The following LRRTM4 variants were observed in gnomAD, a reference collection of about 807,000 sequenced individuals.
LRRTM4 encodes the protein leucine rich repeat transmembrane neuronal 4.
LRRTM4 carries 25 observed loss-of-function variants against 47.6 expected under a neutral mutation model. The ratio of observed to expected loss-of-function variants is 0.53; its 90% CI spans 0.38 to 0.73. The LOEUF is 0.73. Among genes scored for constraint, LRRTM4 ranks in the 30% least tolerant of loss-of-function variants. LRRTM4 has a pLI of 0.00. For missense variants in LRRTM4, 638 were observed against 713.4 expected, an observed-to-expected ratio of 0.89 and a Z score of 1.20; for synonymous variants, 311 against 269.5, an observed-to-expected ratio of 1.15 and a Z score of -1.51.
intron 3 of LRRTM4, among the ~76,000 whole-genome samples, chr2:77,236,881 T>C (rs1169028189): frequency 6.6e-6 from 1 of 152,142 alleles, no homozygotes; most frequent in African/African-American, 2.4e-5. Context: ...TACTAGATCA[T>C]GGTGAATTAG....
At chr2:76,850,008 CAT>C (rs1191991735) in intron 3 of LRRTM4, among the ~76,000 whole-genome samples, 6 of 151,962 alleles carry the variant, frequency 3.9e-5, no homozygotes, top group African/African-American at 1.5e-4. Flanking sequence ...AATATGTCCT[CAT>C]GTGTATAAGT....
At chr2:76,766,138 A>T (rs1018552900) in intron 3 of LRRTM4, among the ~76,000 whole-genome samples, 10 of 152,298 alleles carry the variant, frequency 6.6e-5, no homozygotes, top group African/African-American at 2.4e-4. Context: ...AAGCATGATC[A>T]TTTATCCTTT....
chr2:76,927,675 A>T (rs1674631153), intron 3 of LRRTM4, among the ~76,000 whole-genome samples: 1 of 152,136 alleles, frequency 6.6e-6, no homozygotes, highest in African/African-American at 2.4e-5. Flanking sequence ...CAAATAAATG[A>T]ATATATATCA....
intron 3 of LRRTM4, among the ~76,000 whole-genome samples, chr2:76,944,254 C>T (rs1328029740): frequency 6.6e-6 from 1 of 152,090 alleles, no homozygotes. Flanking sequence ...CTCTTTTATG[C>T]TCCTGACTCA....
chr2:77,259,445 AT>A (rs1675858871), intron 3 of LRRTM4, among the ~76,000 whole-genome samples: 1 of 152,052 alleles, frequency 6.6e-6, no homozygotes, highest in Non-Finnish European at 1.5e-5. Flanking sequence ...ATTCAACAGC[AT>A]TTTTGAGGGC....
At chr2:77,148,304 C>T (rs1252252044) in intron 3 of LRRTM4, among the ~76,000 whole-genome samples, 2 of 152,112 alleles carry the variant, frequency 1.3e-5, no homozygotes, top group African/African-American at 2.4e-5. Flanking sequence ...TCTTAAAATG[C>T]TTAAGGGAAA....
At chr2:77,257,309 CAA>C (rs527480065) in intron 3 of LRRTM4, among the ~76,000 whole-genome samples, 2 of 144,556 alleles carry the variant, frequency 1.4e-5, no homozygotes, top group African/African-American at 2.5e-5. Flanking sequence ...AAATCATCTA[CAA>C]AAAAAAAACC....
At chr2:77,201,473 T>C (rs1177316716) in intron 3 of LRRTM4, among the ~76,000 whole-genome samples, 2 of 152,158 alleles carry the variant, frequency 1.3e-5, no homozygotes, top group African/African-American at 4.8e-5. Context: ...GAAATAATTA[T>C]TACTTAAAAA....
chr2:77,019,130 A>T (rs1678176719), intron 3 of LRRTM4, among the ~76,000 whole-genome samples: 1 of 151,816 alleles, frequency 6.6e-6, no homozygotes, highest in African/African-American at 2.4e-5. Flanking sequence ...ATGGAAACTC[A>T]ATTTTTAGAC....
At chr2:76,958,279 C>T (rs1242509759) in intron 3 of LRRTM4, among the ~76,000 whole-genome samples, 1 of 151,766 alleles carries the variant, frequency 6.6e-6, no homozygotes, top group Non-Finnish European at 1.5e-5. Context: ...CAATAAAAAA[C>T]TATGACAGAA....
At chr2:76,913,355 T>C (rs1674136646) in intron 3 of LRRTM4, among the ~76,000 whole-genome samples, 1 of 152,028 alleles carries the variant, frequency 6.6e-6, no homozygotes, top group South Asian at 2.1e-4. Context: ...TGATTGTGTT[T>C]CTCTGATTAT....
intron 3 of LRRTM4, among the ~76,000 whole-genome samples, chr2:77,073,569 T>C (rs1680234083): frequency 6.6e-6 from 1 of 152,120 alleles, no homozygotes; most frequent in African/African-American, 2.4e-5. Flanking sequence ...TAAGGATGAA[T>C]CTTAGAGAAT....
At chr2:76,817,784 C>G (rs545033999) in intron 3 of LRRTM4, among the ~76,000 whole-genome samples, 7 of 151,938 alleles carry the variant, frequency 4.6e-5, no homozygotes, top group Non-Finnish European at 8.8e-5. Flanking sequence ...ATATTTTTAA[C>G]GATCCTATCA....
At chr2:77,177,320 C>T (rs2103848322) in intron 3 of LRRTM4, among the ~76,000 whole-genome samples, 1 of 152,288 alleles carries the variant, frequency 6.6e-6, no homozygotes, top group South Asian at 2.1e-4. Context: ...GCACTAGATT[C>T]ATGATGAACA....
At chr2:77,150,458 A>T (rs1672385039) in intron 3 of LRRTM4, among the ~76,000 whole-genome samples, 1 of 152,200 alleles carries the variant, frequency 6.6e-6, no homozygotes, top group Non-Finnish European at 1.5e-5. Context: ...TGGGAGTTCA[A>T]CTAAGAAGAG....
chr2:76,907,200 T>C (rs1284854528), intron 3 of LRRTM4, among the ~76,000 whole-genome samples: 2 of 151,834 alleles, frequency 1.3e-5, no homozygotes, highest in African/African-American at 2.4e-5. Context: ...CACTCAAAAC[T>C]GCTCAACTAC....
At chr2:76,990,742 G>C (rs996904464) in intron 3 of LRRTM4, among the ~76,000 whole-genome samples, 9 of 151,430 alleles carry the variant, frequency 5.9e-5, no homozygotes, top group African/African-American at 2.2e-4. Flanking sequence ...GCAGATCATT[G>C]AGGCAGAAAA....
chr2:77,275,183 G>A (rs535151576), intron 3 of LRRTM4, among the ~76,000 whole-genome samples: 5 of 152,172 alleles, frequency 3.3e-5, no homozygotes, highest in South Asian at 4.1e-4. Flanking sequence ...AACTTCCATA[G>A]CATTTCTCTG....
At chr2:77,132,106 T>TGG (rs1671818007) in intron 3 of LRRTM4, among the ~76,000 whole-genome samples, 1 of 152,204 alleles carries the variant, frequency 6.6e-6, no homozygotes, top group South Asian at 2.1e-4. Flanking sequence ...TCTATCTAAC[T>TGG]GTACATTTGT....
Sources: allele counts gnomAD v4.1 joint callset (sites outside exome capture counted in the v4.1 genomes callset), GRCh38; gene constraint gnomAD v4.1.1; transcripts MANE v1.5; gene names NCBI Gene and HGNC (gene_info 2026-07-23, HGNC 2026-07-21).